The following BAZ1B variants were observed in gnomAD, a reference collection of about 807,000 sequenced individuals.
BAZ1B encodes the protein tyrosine-protein kinase BAZ1B.
Under a neutral mutation model 153.8 loss-of-function variants are expected in BAZ1B, and 22 were observed. The ratio of observed to expected loss-of-function variants is 0.14; its 90% CI spans 0.10 to 0.20. The LOEUF is 0.20. Among genes scored for constraint, BAZ1B ranks in the 10% least tolerant of loss-of-function variants. BAZ1B has a pLI of 1.00. For synonymous variants in BAZ1B, 676 were observed against 633.4 expected (o/e 1.07, Z -1.01); for missense variants, 1,325 against 1,799.3 (o/e 0.74, Z 4.77).
chr7:73,521,699 G>A (rs1286857663), intron 1 of BAZ1B, 128 bp downstream of exon 1: 6 of 691,808 alleles, frequency 8.7e-6, no homozygotes, highest in African/African-American at 5.8e-5. Flanking sequence ...CTCCAGGCCC[G>A]CGAGCGGCCG....
chr7:73,442,172 C>G lies in BAZ1B; in HGVS notation c.*15+9G>C, dbSNP rs868962366. 2 of 1,380,726 alleles carry G rather than the reference C, an allele frequency of 1.4e-6. No individual in the cohort carries two copies. The highest frequency in any genetic ancestry group is 1.8e-5 in the Admixed American group (1 of 54,404). The allele number at this position is 1,380,726 out of a possible 1,614,324, so 85.5% of individuals were successfully genotyped here. ...CTCCCTAGCTGTCCCCCCACCTCAGCTCCCTTACCACGGCCCTGCCTCTCT... is the reference window on the plus strand; with the variant it reads ...CTCCCTAGCTGTCCCCCCACCTCAGGTCCCTTACCACGGCCCTGCCTCTCT... On this transcript the variant is annotated intron_variant, in intron 19 of 19. Transcript: ENST00000339594.
At chr7:73,502,773 G>A (rs1013718727) in intron 3 of BAZ1B, among the ~76,000 whole-genome samples, 1 of 152,146 alleles carries the variant, frequency 6.6e-6, no homozygotes, top group South Asian at 2.1e-4. Context: ...GCCAGACCCT[G>A]TCTCAAAAAA....
intron 7 of BAZ1B, among the ~76,000 whole-genome samples, chr7:73,473,241 G>A (rs1484097040): frequency 6.6e-6 from 1 of 152,170 alleles, no homozygotes; most frequent in Non-Finnish European, 1.5e-5. Context: ...AGCCTGGCCT[G>A]TTCATATGTC....
intron 9 of BAZ1B, among the ~76,000 whole-genome samples, chr7:73,468,927 T>G (rs1394299647): frequency 1.3e-5 from 2 of 152,018 alleles, no homozygotes; most frequent in African/African-American, 4.8e-5. Flanking sequence ...GTCAGGAGTT[T>G]GAGACCAGCT....
intron 7 of BAZ1B, among the ~76,000 whole-genome samples, chr7:73,473,090 C>G (rs921664505): frequency 6.6e-6 from 1 of 152,082 alleles, no homozygotes; most frequent in Admixed American, 6.6e-5. Context: ...TACAGGCATG[C>G]GCCACCATGC....
intron 1 of BAZ1B, among the ~76,000 whole-genome samples, chr7:73,514,890 G>A (rs1351025284): frequency 6.6e-6 from 1 of 151,924 alleles, no homozygotes; most frequent in Non-Finnish European, 1.5e-5. Context: ...GACCAGCCTG[G>A]CCAAGATGGT....
At chr7:73,447,118 T>A in intron 16 of BAZ1B, 146 bp downstream of exon 16, 1 of 1,458,608 alleles carries the variant, frequency 6.9e-7, no homozygotes, top group East Asian at 2.3e-5. Flanking sequence ...TTTAAACCCA[T>A]GGCAGCTAAG....
rs1554565712 is a variant in BAZ1B at position 73,444,020 on chromosome 7, C to T, written c.3954G>A (p.Lys1318=). 1 of 1,613,856 alleles carries T rather than the reference C, an allele frequency of 6.2e-7. No individual in the cohort carries two copies. Among genetic ancestry groups the T allele is most frequent in the Non-Finnish European group, 8.5e-7 (1 of 1,179,898 alleles). ...KPHSTRRSQP[K]APPVDDAEVD... ...CCTCAGCATCATCCACAGGTGGTGCCTTGGGCTGAGACCTCCTGGTAGAGT... is the reference window on the plus strand; with the variant it reads ...CCTCAGCATCATCCACAGGTGGTGCTTTGGGCTGAGACCTCCTGGTAGAGT... The change falls in exon 17 of 20, where the codon AAG becomes AAA. Residue 1318 remains lysine, a synonymous_variant. Coordinates refer to ENST00000339594, the MANE Select transcript of BAZ1B (RefSeq NM_032408.4).
chr7:73,464,972 A>C (rs1483771586), intron 11 of BAZ1B, among the ~76,000 whole-genome samples: 3 of 152,018 alleles, frequency 2.0e-5, no homozygotes, highest in African/African-American at 7.2e-5. Flanking sequence ...TGGATGCAAG[A>C]CACTGGCCTG....
intron 6 of BAZ1B, among the ~76,000 whole-genome samples, chr7:73,484,010 G>A (rs1453175954): frequency 1.3e-5 from 2 of 152,206 alleles, no homozygotes; most frequent in Non-Finnish European, 2.9e-5. Context: ...GCTCATGCCT[G>A]TAATCCCAGC....
intron 6 of BAZ1B, 114 bp from the exon 7 acceptor site, chr7:73,478,683 A>C (rs1456382549): frequency 1.2e-6 from 1 of 832,818 alleles, no homozygotes; most frequent in Admixed American, 3.6e-5. Context: ...CTACATATTC[A>C]TATCTCTTCA....
intron 5 of BAZ1B, among the ~76,000 whole-genome samples, chr7:73,491,926 G>A (rs913412905): frequency 1.3e-5 from 2 of 151,346 alleles, no homozygotes; most frequent in Non-Finnish European, 2.9e-5. Context: ...AGGTGGTGTA[G>A]GAATACCTGA....
Position 73,449,589 on chromosome 7 carries a change from C to A in BAZ1B, c.3681G>T (p.Gln1227His). The A allele has an allele frequency of 6.2e-7, 1 of 1,614,148 alleles. No homozygotes were observed. The highest frequency in any genetic ancestry group is 8.5e-7 in the Non-Finnish European group (1 of 1,180,024). ...CAGTAGCGGGCTGGCAAGCTGGGCA[C>A]TGCCACTCACCATCTGGTACTTCAT... ...ALYEVPDGEW[Q>H]CPACQPATAR... is the part of the protein sequence containing the mutation. The change falls in exon 15 of 20, where the codon CAG becomes CAT. Residue 1227 changes from glutamine to histidine, a missense_variant. Gln to His is a conservative substitution (Grantham distance 24). Coordinates refer to ENST00000339594, the MANE Select transcript of BAZ1B (RefSeq NM_032408.4).
chr7:73,500,486 G>T (rs73134957), intron 3 of BAZ1B, among the ~76,000 whole-genome samples: 9,769 of 152,162 alleles, frequency 0.064, 372 homozygotes, highest in African/African-American at 0.089. Context: ...GAAGAAGAAG[G>T]GAGTTATGAT....
Position 73,500,060 on chromosome 7 carries a change from C to T in BAZ1B, c.370-1362G>A, listed in dbSNP as rs577763255. Among the ~76,000 whole-genome samples, 9 of 152,176 alleles carry T rather than the reference C, an allele frequency of 5.9e-5. No homozygotes were observed. In the South Asian group the frequency reaches 8.3e-4, roughly 14 times the overall value. On this transcript the variant is annotated intron_variant, in intron 3 of 19. Coordinates refer to ENST00000339594, the MANE Select transcript of BAZ1B (RefSeq NM_032408.4). ...AACTTCTGGGCTCAAGCAATTCTCT[C>T]GCCTCAGCCTCCTAAGTAGCTGGGA...
At chr7:73,476,650 T>A (rs183234504) in intron 7 of BAZ1B, among the ~76,000 whole-genome samples, 10 of 152,294 alleles carry the variant, frequency 6.6e-5, no homozygotes, top group Admixed American at 5.9e-4. Flanking sequence ...CAACATCACA[T>A]TAACTTATTA....
intron 8 of BAZ1B, among the ~76,000 whole-genome samples, chr7:73,470,023 CTAA>C (rs782569544): frequency 6.6e-6 from 1 of 152,086 alleles, no homozygotes; most frequent in Non-Finnish European, 1.5e-5. Flanking sequence ...TGTGTAACTA[CTAA>C]TATTTCTCCT....
intron 13 of BAZ1B, among the ~76,000 whole-genome samples, chr7:73,455,361 TA>T (rs1788157675): frequency 6.6e-6 from 1 of 152,230 alleles, no homozygotes; most frequent in South Asian, 2.1e-4. Flanking sequence ...TCCCATAATG[TA>T]ATGTTCTCAA....
Position 73,497,955 on chromosome 7 carries a change from T to G in BAZ1B, c.571+542A>C, listed in dbSNP as rs190038302. ...CACACAGCTTTTGTGTTTTGTTTTTTTTTTTTTGAGATGGAGTTTTGTTTT... is the reference window on the plus strand; with the variant it reads ...CACACAGCTTTTGTGTTTTGTTTTTGTTTTTTTGAGATGGAGTTTTGTTTT... On this transcript the variant is annotated intron_variant, in intron 4 of 19. Transcript: ENST00000339594. 1.4e-3 allele frequency among the ~76,000 whole-genome samples: 217 copies of G among 152,074 alleles called. 2 individuals carry two copies. Among genetic ancestry groups the G allele is most frequent in the Admixed American group, 3.7e-3 (56 of 15,262 alleles).
Sources: gnomAD v4.1 joint callset for allele counts (sites outside exome capture counted in the v4.1 genomes callset) on GRCh38, gnomAD v4.1.1 for gene constraint, MANE v1.5 for transcripts, NCBI Gene and HGNC (gene_info 2026-07-23, HGNC 2026-07-21) for gene names.